CAMTA1: variants seen among roughly 807,000 people sequenced by gnomAD.
The protein encoded by CAMTA1 is calmodulin binding transcription activator 1, also known as calmodulin-binding transcription activator 1.
A neutral mutation model predicts 170.9 loss-of-function variants in CAMTA1; 27 were observed. The observed-to-expected ratio is 0.16, with a 90% CI of 0.12 to 0.22. The LOEUF (loss-of-function observed/expected upper bound fraction) is 0.22, where lower values mean the gene tolerates loss of function less well. Among genes scored for constraint, CAMTA1 ranks in the 10% least tolerant of loss-of-function variants. The probability of loss-of-function intolerance (pLI) is 1.00; values close to 1 mark genes in which losing one functional copy is unlikely to be tolerated. For missense variants in CAMTA1, 1,619 were observed against 2,217.2 expected (o/e 0.73, Z 5.42); for synonymous variants, 833 against 891.5 (o/e 0.93, Z 1.17).
chr1:7,172,182 C>T lies in CAMTA1; in HGVS notation c.303-77309C>T, dbSNP rs1182861428. Among the ~76,000 whole-genome samples, 3 of 151,822 alleles carry T rather than the reference C, an allele frequency of 2.0e-5. No homozygotes were observed. In the East Asian group the frequency reaches 5.8e-4, roughly 29 times the overall value. On this transcript the variant is annotated intron_variant, in intron 4 of 22. Transcript: ENST00000303635. ...TCTTTTTTTTTTTGAGATGGAGTCTCGCTGTTGCCCAGGCTGGAGTGCAGT... is the reference window on the plus strand; with the variant it reads ...TCTTTTTTTTTTTGAGATGGAGTCTTGCTGTTGCCCAGGCTGGAGTGCAGT...
intron 3 of CAMTA1, among the ~76,000 whole-genome samples, chr1:6,999,283 C>G (rs1697818822): frequency 6.6e-6 from 1 of 152,168 alleles, no homozygotes; most frequent in Admixed American, 6.5e-5. Flanking sequence ...ATGCCTGAGA[C>G]TGGGTAATTT....
At chr1:7,237,702 G>T (rs1247192867) in intron 4 of CAMTA1, among the ~76,000 whole-genome samples, 1 of 152,148 alleles carries the variant, frequency 6.6e-6, no homozygotes, top group East Asian at 1.9e-4. Context: ...ATTTGAAAAA[G>T]ATCACTCCCT....
intron 3 of CAMTA1, among the ~76,000 whole-genome samples, chr1:6,930,130 C>A (rs1684128733): frequency 6.6e-6 from 1 of 152,190 alleles, no homozygotes; most frequent in Non-Finnish European, 1.5e-5. Context: ...CCTCCAGTAC[C>A]TTGTTGGTCT....
chr1:7,211,093 A>G (rs1348106461), intron 4 of CAMTA1, among the ~76,000 whole-genome samples: 1 of 152,212 alleles, frequency 6.6e-6, no homozygotes, highest in African/African-American at 2.4e-5. Flanking sequence ...TGCTGTCTTT[A>G]TCATAGATCT....
At chr1:7,505,754 G>T (rs563583237) in intron 6 of CAMTA1, among the ~76,000 whole-genome samples, 2 of 152,194 alleles carry the variant, frequency 1.3e-5, no homozygotes, top group Non-Finnish European at 2.9e-5. Context: ...ACCACAGTCC[G>T]CTGAGCAGGG....
intron 11 of CAMTA1, among the ~76,000 whole-genome samples, chr1:7,728,995 T>C (rs942311726): frequency 4.2e-4 from 64 of 152,338 alleles, no homozygotes; most frequent in East Asian, 7.7e-4. Context: ...TTTGCCTGTG[T>C]CTGTCCATCC....
intron 6 of CAMTA1, among the ~76,000 whole-genome samples, chr1:7,640,037 T>C (rs2095748548): frequency 6.6e-6 from 1 of 152,170 alleles, no homozygotes; most frequent in Non-Finnish European, 1.5e-5. Context: ...TTTGACCTCA[T>C]GCCCGTGGTT....
At chr1:7,181,052 C>A (rs539785836) in intron 4 of CAMTA1, among the ~76,000 whole-genome samples, 5 of 152,154 alleles carry the variant, frequency 3.3e-5, no homozygotes, top group African/African-American at 1.2e-4. Context: ...ATCAATGCAC[C>A]ATGACCAAAT....
At chr1:6,861,272 C>T (rs1007983268) in intron 3 of CAMTA1, among the ~76,000 whole-genome samples, 2 of 152,118 alleles carry the variant, frequency 1.3e-5, no homozygotes, top group Admixed American at 1.3e-4. Flanking sequence ...TGTGACTTTA[C>T]AGTAGAGATT....
chr1:6,998,645 C>G (rs918867839), intron 3 of CAMTA1, among the ~76,000 whole-genome samples: 1 of 152,228 alleles, frequency 6.6e-6, no homozygotes, highest in Non-Finnish European at 1.5e-5. Flanking sequence ...TCTTGCCAAA[C>G]GTAAGAGCCA....
chr1:7,565,131 G>A lies in CAMTA1; in HGVS notation c.511-75269G>A, dbSNP rs2095023272. On this transcript the variant is annotated intron_variant, in intron 6 of 22. Transcript: ENST00000303635. This position sits in a 1 kb window ranked among gnomAD's most constrained non-coding sequence, Gnocchi z 4.5. Reference sequence around the variant, plus strand: ...CTGGGGAGACTCCTGCCAGTCACCTGTGCTACCTGGATATACCCCTCACAC... The same window carrying A: ...CTGGGGAGACTCCTGCCAGTCACCTATGCTACCTGGATATACCCCTCACAC... Among the ~76,000 whole-genome samples the A allele has an allele frequency of 6.6e-6, 1 of 151,942 alleles. No homozygotes were observed. Among genetic ancestry groups the A allele is most frequent in the Non-Finnish European group, 1.5e-5 (1 of 67,966 alleles).
At chr1:7,688,029 G>C (rs1451296377) in intron 11 of CAMTA1, among the ~76,000 whole-genome samples, 1 of 19,288 alleles carries the variant, frequency 5.2e-5, no homozygotes, top group African/African-American at 1.9e-4. Context: ...TTTTTTTTTT[G>C]GCAGAGTCTT....
intron 3 of CAMTA1, among the ~76,000 whole-genome samples, chr1:6,875,511 T>C (rs904346676): frequency 2.0e-5 from 3 of 152,056 alleles, no homozygotes; most frequent in African/African-American, 7.2e-5. Flanking sequence ...TCTCGAACTT[T>C]CCTGACCTCG....
At chr1:7,242,151 G>A (rs1664976137) in intron 4 of CAMTA1, among the ~76,000 whole-genome samples, 1 of 152,158 alleles carries the variant, frequency 6.6e-6, no homozygotes. Context: ...GATTCAAATA[G>A]ATTCAATGTC....
intron 3 of CAMTA1, among the ~76,000 whole-genome samples, chr1:6,888,371 A>G (rs1355564891): frequency 6.6e-6 from 1 of 152,222 alleles, no homozygotes; most frequent in African/African-American, 2.4e-5. Flanking sequence ...AAGCTGGAGC[A>G]TATCAGGACT....
rs555912021 is a variant in CAMTA1, at chr1:7,731,368, T to G, written c.2915-1080T>G. Among the ~76,000 whole-genome samples, 21 of 151,998 alleles carry G rather than the reference T, an allele frequency of 1.4e-4. 1 individual carries two copies. The South Asian group carries it at 4.4e-3, about 32-fold the overall frequency. On this transcript the variant is annotated intron_variant, in intron 11 of 22. Transcript: ENST00000303635. ...GTGGGCAGATCACGAGGTCAGGAGTTCAAGACCAGCCTGGCCAACGTAGTG... is the reference window on the plus strand; with the variant it reads ...GTGGGCAGATCACGAGGTCAGGAGTGCAAGACCAGCCTGGCCAACGTAGTG...
In CAMTA1 at chr1:7,580,103, G is replaced by A. The variant is rs892458676; in HGVS notation, c.511-60297G>A. 3.9e-5 allele frequency among the ~76,000 whole-genome samples: 6 copies of A among 152,264 alleles called. No individual in the cohort carries two copies. Among genetic ancestry groups the A allele is most frequent in the African/African-American group, 1.4e-4 (6 of 41,478 alleles). On this transcript the variant is annotated intron_variant, in intron 6 of 22. Transcript: ENST00000303635. This position sits in a 1 kb window ranked among gnomAD's most constrained non-coding sequence, Gnocchi z 4.3. ...CACACAGCTAGGAGCTGGGCCTTGC[G>A]GACCACAGGGAGCATCCCTGCCCAC...
At chr1:7,626,930 G>A (rs1049467596) in intron 6 of CAMTA1, among the ~76,000 whole-genome samples, 1 of 152,170 alleles carries the variant, frequency 6.6e-6, no homozygotes, top group Admixed American at 6.5e-5. Flanking sequence ...AAGCATCCAG[G>A]AAGAGGACAG....
At chr1:7,088,173 G>A (rs17030279) in intron 3 of CAMTA1, among the ~76,000 whole-genome samples, 7,163 of 152,264 alleles carry the variant, frequency 0.047, 569 homozygotes, top group African/African-American at 0.16. Context: ...GGGAGCCTGG[G>A]CCTGTGCATC....
Sources: allele counts gnomAD v4.1 joint callset (sites outside exome capture counted in the v4.1 genomes callset), GRCh38; gene constraint gnomAD v4.1.1; non-coding constraint Gnocchi (gnomAD v3.1); transcripts MANE v1.5; gene names NCBI Gene and HGNC (gene_info 2026-07-23, HGNC 2026-07-21).